The following DLG2 variants were observed in gnomAD, a reference collection of about 807,000 sequenced individuals.
The protein encoded by DLG2 is disks large homolog 2.
A neutral mutation model predicts 132.5 loss-of-function variants in DLG2; 45 were observed. That is an observed-to-expected ratio of 0.34 (90% CI 0.27 to 0.44). The LOEUF is 0.44. Among genes scored for constraint, DLG2 ranks in the 20% least tolerant of loss-of-function variants. DLG2 has a pLI of 1.00. For synonymous variants in DLG2, 424 were observed against 419.6 expected (o/e 1.01, Z -0.13); for missense variants, 1,045 against 1,196.9 (o/e 0.87, Z 1.87).
At chr11:84,400,068 TA>T (rs1567532021) in intron 7 of DLG2, among the ~76,000 whole-genome samples, 1 of 152,186 alleles carries the variant, frequency 6.6e-6, no homozygotes, top group African/African-American at 2.4e-5. Context: ...GGGGGGACAC[TA>T]AAACAAATAC....
intron 11 of DLG2, among the ~76,000 whole-genome samples, chr11:84,026,218 G>A (rs1248732401): frequency 6.6e-6 from 1 of 151,988 alleles, no homozygotes; most frequent in Non-Finnish European, 1.5e-5. Context: ...AGTACAAAAA[G>A]CTAACGGGGA....
At chr11:84,731,666 TGAA>T (rs1184473795) in intron 6 of DLG2, among the ~76,000 whole-genome samples, 2 of 151,952 alleles carry the variant, frequency 1.3e-5, no homozygotes, top group Non-Finnish European at 1.5e-5. Context: ...GAACAGAGGC[TGAA>T]GAAGACAGTA....
chr11:84,802,365 CCAGCAGCAG>C (rs371131136), intron 6 of DLG2, among the ~76,000 whole-genome samples: 8 of 150,142 alleles, frequency 5.3e-5, no homozygotes, highest in East Asian at 1.9e-4. Context: ...ACTCCGGAAC[CCAGCAGCAG>C]CAGCAGCAGC....
chr11:85,111,341 A>C (rs2072706287), intron 6 of DLG2, among the ~76,000 whole-genome samples: 1 of 152,124 alleles, frequency 6.6e-6, no homozygotes, highest in Non-Finnish European at 1.5e-5. Context: ...TCTAAAATCA[A>C]GTATTGCTGA....
intron 19 of DLG2, among the ~76,000 whole-genome samples, chr11:83,617,052 A>G (rs1328821687): frequency 6.6e-6 from 1 of 152,192 alleles, no homozygotes; most frequent in African/African-American, 2.4e-5. Flanking sequence ...GTAACCTCAT[A>G]ATAAATCCTA....
intron 6 of DLG2, among the ~76,000 whole-genome samples, chr11:84,803,007 C>T (rs748062656): frequency 6.6e-6 from 1 of 152,106 alleles, no homozygotes; most frequent in Non-Finnish European, 1.5e-5. Context: ...ACAGTGTTAG[C>T]CAGGATTGCC....
At chr11:84,230,366 A>G (rs1597957283) in intron 8 of DLG2, among the ~76,000 whole-genome samples, 1 of 152,262 alleles carries the variant, frequency 6.6e-6, no homozygotes, top group East Asian at 1.9e-4. Context: ...TCCATGAGGG[A>G]GGGGCAATGT....
chr11:84,031,423 A>G (rs1660364313), intron 11 of DLG2, among the ~76,000 whole-genome samples: 1 of 152,150 alleles, frequency 6.6e-6, no homozygotes, highest in African/African-American at 2.4e-5. Flanking sequence ...AGACTATTAG[A>G]CTTGAGTAGA....
chr11:83,769,052 C>T (rs1357167412), intron 18 of DLG2, among the ~76,000 whole-genome samples: 1 of 152,210 alleles, frequency 6.6e-6, no homozygotes, highest in East Asian at 1.9e-4. Context: ...TTTAGACATA[C>T]TGGGCACTCC....
At chr11:85,141,597 A>C (rs2152431913) in intron 5 of DLG2, among the ~76,000 whole-genome samples, 1 of 151,828 alleles carries the variant, frequency 6.6e-6, no homozygotes, top group African/African-American at 2.4e-5. Context: ...GGTTGCCTGC[A>C]CTTCTGAGGT....
chr11:83,975,703 G>C (rs1047045303), intron 12 of DLG2, among the ~76,000 whole-genome samples: 7 of 151,938 alleles, frequency 4.6e-5, no homozygotes, highest in African/African-American at 1.7e-4. Context: ...TACTGGAAGA[G>C]AGAGAAAAGG....
chr11:84,530,112 C>A (rs1015755209), intron 7 of DLG2, among the ~76,000 whole-genome samples: 2 of 152,080 alleles, frequency 1.3e-5, no homozygotes, highest in African/African-American at 4.8e-5. Context: ...GAAACTGAAC[C>A]CCTTCCTTAT....
chr11:85,151,029 C>T (rs2077214687), intron 5 of DLG2, among the ~76,000 whole-genome samples: 1 of 152,228 alleles, frequency 6.6e-6, no homozygotes, highest in East Asian at 1.9e-4. Context: ...TTTATCAACA[C>T]ATTATTTTCT....
chr11:83,576,976 T>C (rs1249880551), intron 19 of DLG2, among the ~76,000 whole-genome samples: 1 of 152,182 alleles, frequency 6.6e-6, no homozygotes, highest in Non-Finnish European at 1.5e-5. Flanking sequence ...ATACAAAGTA[T>C]TGATACTGGG....
chr11:84,407,445 C>T (rs1012529732), intron 7 of DLG2, among the ~76,000 whole-genome samples: 3 of 152,158 alleles, frequency 2.0e-5, no homozygotes, highest in East Asian at 1.9e-4. Context: ...ACCACCTGCT[C>T]TCTAAGGCCA....
chr11:85,583,132 A>G (rs4539340), intron 3 of DLG2, among the ~76,000 whole-genome samples: 1,061 of 19,680 alleles, frequency 0.054, 10 homozygotes, highest in African/African-American at 0.15. Context: ...GTGTGTGTGT[A>G]TATATATATA....
intron 15 of DLG2, among the ~76,000 whole-genome samples, chr11:83,924,053 C>T (rs920103291): frequency 5.3e-5 from 8 of 152,174 alleles, no homozygotes; most frequent in South Asian, 2.1e-4. Flanking sequence ...TTATATAACA[C>T]GATGCTTAAC....
chr11:84,822,283 T>C (rs2077793668), intron 6 of DLG2, among the ~76,000 whole-genome samples: 1 of 151,820 alleles, frequency 6.6e-6, no homozygotes, highest in Non-Finnish European at 1.5e-5. Flanking sequence ...CAGCATTTTA[T>C]AAATGGTAAA....
intron 4 of DLG2, among the ~76,000 whole-genome samples, chr11:85,211,953 A>T (rs892160308): frequency 2.0e-5 from 3 of 152,120 alleles, no homozygotes; most frequent in African/African-American, 7.2e-5. Flanking sequence ...ATGGCTGTAT[A>T]AAATAATGAC....
Sources: allele counts gnomAD v4.1 joint callset (sites outside exome capture counted in the v4.1 genomes callset), GRCh38; gene constraint gnomAD v4.1.1; transcripts MANE v1.5; gene names NCBI Gene and HGNC (gene_info 2026-07-23, HGNC 2026-07-21).